Variants in TRA2B observed in about 807,000 individuals in gnomAD.
TRA2B encodes transformer-2 protein homolog beta.
Under a neutral mutation model 41.7 loss-of-function variants are expected in TRA2B, and 14 were observed. That is an observed-to-expected ratio of 0.34 (90% CI 0.22 to 0.53). TRA2B has a LOEUF of 0.53. TRA2B is among the 20% of genes least tolerant of loss of function. The pLI is 0.95. For missense variants in TRA2B, 167 were observed against 396.8 expected (o/e 0.42, Z 4.92); for synonymous variants, 130 against 128.8 (o/e 1.01, Z -0.06).
intron 5 of TRA2B, among the ~76,000 whole-genome samples, chr3:185,921,651 C>T (rs1489588996): frequency 1.3e-5 from 2 of 152,178 alleles, no homozygotes; most frequent in Admixed American, 1.3e-4. Flanking sequence ...GTAGTCCCAG[C>T]TACTCGGGAG....
At chr3:185,934,201 G>A (rs1311664432) in intron 1 of TRA2B, among the ~76,000 whole-genome samples, 2 of 152,144 alleles carry the variant, frequency 1.3e-5, no homozygotes, top group African/African-American at 4.8e-5. Flanking sequence ...AGTCGCATAT[G>A]TAAAAACACT....
intron 3 of TRA2B, chr3:185,924,195 CTTAGAA>C (rs1743850181): frequency 2.4e-6 from 1 of 412,998 alleles, no homozygotes; most frequent in Non-Finnish European, 4.2e-6. Flanking sequence ...AAATTTCAAC[CTTAGAA>C]TTAAGTAGGT....
In TRA2B at chr3:185,915,404, A is replaced by T. The variant is rs575983149; in HGVS notation, c.*2311T>A. ...CTTGAGGCAGTAACTTTAAGACTCA[A>T]ATTTATCCTTTCCCATGGCTTTTGT... On this transcript the variant is annotated 3_prime_UTR_variant, in exon 9 of 9. Transcript: ENST00000453386. Among the ~76,000 whole-genome samples, 2 of 152,128 alleles carry T rather than the reference A, an allele frequency of 1.3e-5. No homozygotes were observed. Among genetic ancestry groups the T allele is most frequent in the Admixed American group, 6.5e-5 (1 of 15,278 alleles).
At position 185,936,322 on chromosome 3, in the gene TRA2B, C is replaced by A. The variant is rs916238377; in HGVS notation, c.36+1503G>T. 3.2e-5 allele frequency: 32 copies of A among 985,356 alleles called. No individual in the cohort carries two copies. The African/African-American group carries it at 4.7e-4, about 15-fold the overall frequency. 61.0% of individuals were successfully genotyped at this position (985,356 alleles called of 1,614,324 possible). On this transcript the variant is annotated intron_variant, in intron 1 of 8. Coordinates refer to ENST00000453386, the MANE Select transcript of TRA2B (RefSeq NM_004593.3). The stretch of plus-strand genomic sequence containing the variant: ...ACGACTTTTTAACAACTTTTGAGCT[C>A]AATCCCAACTTTCTTACCCAAGAAA...
chr3:185,934,583 A>G (rs1222890268), intron 1 of TRA2B: 7 of 985,280 alleles, frequency 7.1e-6, no homozygotes, highest in East Asian at 1.1e-4. Flanking sequence ...ACAATACAAA[A>G]CAATTTCCTC....
At position 185,918,409 on chromosome 3, in the gene TRA2B, C is replaced by T. The variant is rs564623776; in HGVS notation, c.812G>A (p.Arg271His). 11 of 1,613,492 alleles carry T rather than the reference C, an allele frequency of 6.8e-6. No individual in the cohort carries two copies. The highest frequency in any genetic ancestry group is 1.7e-5 in the Admixed American group (1 of 59,968). The change falls in exon 8 of 9, where the codon CGT becomes CAT. Residue 271 changes from arginine to histidine, a missense_variant. Arg to His is a conservative substitution (Grantham distance 29). Transcript: ENST00000453386. ...RRRSPSPYYS[R>H]GGYRSRSRSR... ...TCTGGAACGTGATCTGTATCCTCCA[C>T]GACTATAGTAAGGAGAAGGTGACCG...
chr3:185,927,898 A>C (rs1338631613), intron 1 of TRA2B: 1 of 152,256 alleles, frequency 6.6e-6, no homozygotes, highest in East Asian at 1.9e-4. Context: ...ATTTTAGGTT[A>C]TCAAACTTAG....
chr3:185,936,454 C>G, intron 1 of TRA2B: 3 of 985,350 alleles, frequency 3.0e-6, no homozygotes, highest in Non-Finnish European at 3.6e-6. Context: ...TATGTAAACG[C>G]AAGGCTTGAT....
intron 3 of TRA2B, chr3:185,925,249 C>A: frequency 2.1e-6 from 1 of 473,662 alleles, no homozygotes; most frequent in Non-Finnish European, 3.7e-6. Flanking sequence ...AGGAGTTACA[C>A]CATTGTGTCA....
At chr3:185,925,388 T>C in intron 3 of TRA2B, 76 bp downstream of exon 3, 3 of 1,536,726 alleles carry the variant, frequency 2.0e-6, no homozygotes, top group Non-Finnish European at 2.6e-6. Flanking sequence ...AAAGCTCTAT[T>C]GTCAAAATCA....
At chr3:185,927,053 A>T (rs912396767) in intron 1 of TRA2B, 1 of 217,244 alleles carries the variant, frequency 4.6e-6, no homozygotes, top group Non-Finnish European at 9.3e-6. Flanking sequence ...TACTCCATAA[A>T]GACTAGGGTG....
At position 185,936,674 on chromosome 3, in the gene TRA2B, TTG is replaced by T. The variant is rs201582021; in HGVS notation, c.36+1149_36+1150del. 20 of 957,496 alleles carry T rather than the reference TTG, an allele frequency of 2.1e-5. No individual in the cohort carries two copies. The South Asian group carries it at 2.9e-4, about 14-fold the overall frequency. The allele number at this position is 957,496 out of a possible 1,614,324, so 59.3% of individuals were successfully genotyped here. ...AACAAGGGGAAACTTAGGTAACAAA[TTG>T]TTTTTTTTTTTTAAAAAAGCACAAA... On this transcript the variant is annotated intron_variant, in intron 1 of 8. Coordinates refer to ENST00000453386, the MANE Select transcript of TRA2B (RefSeq NM_004593.3).
chr3:185,937,803 C>A, intron 1 of TRA2B, 22 bp downstream of exon 1: 1 of 1,614,100 alleles, frequency 6.2e-7, no homozygotes, highest in Non-Finnish European at 8.5e-7. Flanking sequence ...ACACAGCCAC[C>A]CCCTACCGCA....
chr3:185,918,381 A>C lies in TRA2B; in HGVS notation c.840T>G (p.Ser280=), dbSNP rs1403004104. 2 of 1,613,612 alleles carry C rather than the reference A, an allele frequency of 1.2e-6. No individual in the cohort carries two copies. Among genetic ancestry groups the C allele is most frequent in the Admixed American group, 1.7e-5 (1 of 59,998 alleles). The part of the protein sequence containing the change: ...SRGGYRSRSR[S]RSYSPRRY ...AAAACTTACGAGGTGAGTATGATCG[A>C]GATCTGGAACGTGATCTGTATCCTC... Residue 280 remains serine (S), a synonymous_variant, in exon 8 of 9, where the codon TCT becomes TCG. Coordinates refer to ENST00000453386, the MANE Select transcript of TRA2B (RefSeq NM_004593.3).
chr3:185,937,231 G>C (rs1744397956), intron 1 of TRA2B: 1 of 985,780 alleles, frequency 1.0e-6, no homozygotes, highest in Non-Finnish European at 1.2e-6. Context: ...CCTTGGATTA[G>C]TTTCCATCTT....
chr3:185,920,069 A>G (rs1743657990), intron 6 of TRA2B, among the ~76,000 whole-genome samples: 1 of 152,216 alleles, frequency 6.6e-6, no homozygotes, highest in South Asian at 2.1e-4. Flanking sequence ...TCTCAAAGAT[A>G]TCTTTATTTT....
intron 1 of TRA2B, chr3:185,931,549 A>G (rs1049421075): frequency 4.3e-6 from 5 of 1,167,576 alleles, no homozygotes; most frequent in Non-Finnish European, 5.3e-6. Context: ...CAAAATATAC[A>G]GGGACACATA....
intron 1 of TRA2B, chr3:185,931,527 A>C (rs1254624413): frequency 8.9e-7 from 1 of 1,124,028 alleles, no homozygotes; most frequent in Non-Finnish European, 1.1e-6. Flanking sequence ...CAAATAATGC[A>C]TGCATGTTTA....
At chr3:185,930,314 T>G (rs1037314658) in intron 1 of TRA2B, among the ~76,000 whole-genome samples, 3 of 152,168 alleles carry the variant, frequency 2.0e-5, no homozygotes, top group African/African-American at 7.2e-5. Flanking sequence ...TTTGAGTAAT[T>G]TGGAACATAA....
Sources: allele counts gnomAD v4.1 joint callset (sites outside exome capture counted in the v4.1 genomes callset), GRCh38; gene constraint gnomAD v4.1.1; transcripts MANE v1.5; gene names NCBI Gene and HGNC (gene_info 2026-07-23, HGNC 2026-07-21).